SEL1L2: variants seen among roughly 807,000 people sequenced by gnomAD.
The protein encoded by SEL1L2 is SEL1L2 adaptor subunit of SYVN1 ubiquitin ligase.
In SEL1L2, 89 loss-of-function variants were observed where a neutral mutation model predicts 98.8. That is an observed-to-expected ratio of 0.90 (90% CI 0.76 to 1.07). The LOEUF (loss-of-function observed/expected upper bound fraction) is 1.07, where lower values mean the gene tolerates loss of function less well. SEL1L2 is among the 50% of genes least tolerant of loss of function. The pLI is 0.00. For synonymous variants in SEL1L2, 262 were observed against 278.5 expected (o/e 0.94, Z 0.59); for missense variants, 788 against 812.0 (o/e 0.97, Z 0.36).
chr20:13,971,070 A>G (rs1250892281), intron 1 of SEL1L2, among the ~76,000 whole-genome samples: 3 of 146,600 alleles, frequency 2.0e-5, no homozygotes, highest in Non-Finnish European at 1.5e-5. Flanking sequence ...GGGAGCATTT[A>G]TATTTCCTCT....
intron 17 of SEL1L2, among the ~76,000 whole-genome samples, chr20:13,861,263 C>T (rs1189675343): frequency 6.6e-6 from 1 of 151,916 alleles, no homozygotes; most frequent in Non-Finnish European, 1.5e-5. Flanking sequence ...GCAACCTCAG[C>T]CTCCCAAGCT....
chr20:13,973,998 G>A (rs1291818141), intron 1 of SEL1L2, among the ~76,000 whole-genome samples: 3 of 152,190 alleles, frequency 2.0e-5, no homozygotes, highest in Non-Finnish European at 4.4e-5. Flanking sequence ...CTTATTTTAA[G>A]AGTATAGCAT....
In SEL1L2 at chr20:13,886,322, T is replaced by C; in HGVS notation, c.866A>G (p.Lys289Arg). The C allele has an allele frequency of 5.0e-6, 8 of 1,612,118 alleles. No individual in the cohort carries two copies. Among genetic ancestry groups the C allele is most frequent in the Non-Finnish European group, 6.8e-6 (8 of 1,178,980 alleles). The change falls in exon 9 of 20, where the codon AAA becomes AGA. Residue 289 changes from lysine (K) to arginine (R), a missense_variant. Lys to Arg is a conservative substitution (Grantham distance 26). Transcript: ENST00000284951. Reference protein sequence around the residue: ...ILDWDIYQYYKFLAERGDVQI... With the variant: ...ILDWDIYQYYRFLAERGDVQI... ...AACATCTCCTCTTTCTGCCAAAAAT[T>C]TATAGTATTGGTATATGTCCCAATC... is the stretch of plus-strand genomic sequence containing the variant.
chr20:13,908,103 CTTTTTTTTTTTT>C (rs71188195), intron 5 of SEL1L2, among the ~76,000 whole-genome samples: 15 of 26,746 alleles, frequency 5.6e-4, no homozygotes, highest in South Asian at 2.5e-3. Flanking sequence ...TTTCTTGGTT[CTTTTTTTTTTTT>C]TTTTTTTTTT....
At chr20:13,896,095 A>T (rs2047411339) in intron 5 of SEL1L2, among the ~76,000 whole-genome samples, 1 of 152,186 alleles carries the variant, frequency 6.6e-6, no homozygotes, top group Non-Finnish European at 1.5e-5. Context: ...GAATCATTTG[A>T]ACCTGGGAGG....
intron 8 of SEL1L2, among the ~76,000 whole-genome samples, chr20:13,887,328 A>T (rs2047002795): frequency 6.6e-6 from 1 of 152,198 alleles, no homozygotes; most frequent in Non-Finnish European, 1.5e-5. Flanking sequence ...TATTCTGATT[A>T]CATTTAGACT....
rs1026445135 is a variant in SEL1L2, at chr20:13,932,181, T to C, written c.115-410A>G. Among the ~76,000 whole-genome samples, 40 of 152,236 alleles carry C rather than the reference T, an allele frequency of 2.6e-4. 1 individual carries two copies. Among genetic ancestry groups the C allele is most frequent in the Middle Eastern group, 3.4e-3 (1 of 294 alleles). On this transcript the variant is annotated intron_variant, in intron 2 of 19. Transcript: ENST00000284951. ...TGGGTGGAAAGTACAGAAAATCTTC[T>C]GACTGGCTTTAAAAAAACAATATTT...
intron 1 of SEL1L2, among the ~76,000 whole-genome samples, chr20:13,975,843 CTTTTGTTTTG>C (rs1366092851): frequency 1.3e-5 from 2 of 152,062 alleles, no homozygotes; most frequent in East Asian, 1.9e-4. Flanking sequence ...GGTTGGGAAA[CTTTTGTTTTG>C]TTTTGTTTTT....
At chr20:13,923,308 A>G (rs1293720971) in intron 3 of SEL1L2, among the ~76,000 whole-genome samples, 3 of 152,178 alleles carry the variant, frequency 2.0e-5, no homozygotes, top group Non-Finnish European at 4.4e-5. Flanking sequence ...CACTTTCCAG[A>G]CATAAAAGGT....
chr20:13,891,164 A>G (rs750869225), intron 5 of SEL1L2, among the ~76,000 whole-genome samples: 9 of 152,222 alleles, frequency 5.9e-5, no homozygotes. Flanking sequence ...AGAATATCAA[A>G]GGATTCCAAG....
intron 10 of SEL1L2, among the ~76,000 whole-genome samples, chr20:13,884,513 A>AT (rs909304165): frequency 6.6e-6 from 1 of 151,448 alleles, no homozygotes; most frequent in Non-Finnish European, 1.5e-5. Flanking sequence ...TATTTTTTTT[A>AT]TTTTTTTATT....
chr20:13,894,621 A>T (rs1294862106), intron 5 of SEL1L2, among the ~76,000 whole-genome samples: 1 of 152,190 alleles, frequency 6.6e-6, no homozygotes, highest in Non-Finnish European at 1.5e-5. Context: ...TAGATCAACA[A>T]GACAATAGAG....
At chr20:13,994,500 C>T (rs907244864), upstream of SEL1L2, among the ~76,000 whole-genome samples, 1 of 151,916 alleles carries the variant, frequency 6.6e-6, no homozygotes, top group African/African-American at 2.4e-5. Flanking sequence ...TAACAAGTAC[C>T]CAAACTGCCA....
At chr20:13,863,939 C>G (rs1393495984) in intron 17 of SEL1L2, among the ~76,000 whole-genome samples, 1 of 144,830 alleles carries the variant, frequency 6.9e-6, no homozygotes, top group Non-Finnish European at 1.5e-5. Flanking sequence ...CACTGCACCC[C>G]AGCCTGGAGA....
intron 18 of SEL1L2, among the ~76,000 whole-genome samples, chr20:13,858,680 T>C (rs894101680): frequency 1.5e-4 from 23 of 152,360 alleles, no homozygotes; most frequent in African/African-American, 5.3e-4. Flanking sequence ...ATTTACTCAA[T>C]ACCACCTTGC....
chr20:13,873,358 A>G (rs2046290355), intron 12 of SEL1L2, among the ~76,000 whole-genome samples: 2 of 150,666 alleles, frequency 1.3e-5, no homozygotes, highest in Non-Finnish European at 3.0e-5. Context: ...ATTTATTTTT[A>G]TTTATTTATT....
At chr20:13,907,308 T>C (rs1475697761) in intron 5 of SEL1L2, among the ~76,000 whole-genome samples, 2 of 152,176 alleles carry the variant, frequency 1.3e-5, no homozygotes, top group Non-Finnish European at 2.9e-5. Flanking sequence ...CTCATGCCTG[T>C]GATCCCAGTG....
At chr20:13,933,635 T>C (rs1196970972) in intron 2 of SEL1L2, among the ~76,000 whole-genome samples, 1 of 152,136 alleles carries the variant, frequency 6.6e-6, no homozygotes, top group Non-Finnish European at 1.5e-5. Flanking sequence ...AATAATATGC[T>C]CCATGGCTGT....
At chr20:13,874,139 C>A (rs538562677) in intron 12 of SEL1L2, among the ~76,000 whole-genome samples, 2 of 151,960 alleles carry the variant, frequency 1.3e-5, no homozygotes, top group African/African-American at 2.4e-5. Flanking sequence ...ATGCTCAGGG[C>A]GCAAGAGAGA....
Sources: gnomAD v4.1 joint callset for allele counts (sites outside exome capture counted in the v4.1 genomes callset) on GRCh38, gnomAD v4.1.1 for gene constraint, MANE v1.5 for transcripts, NCBI Gene and HGNC (gene_info 2026-07-23, HGNC 2026-07-21) for gene names.